The following ELAPOR2 variants were observed in gnomAD, a reference collection of about 807,000 sequenced individuals.
The protein encoded by ELAPOR2 is endosome-lysosome associated apoptosis and autophagy regulator family member 2, also known as endosome/lysosome-associated apoptosis and autophagy regulator family member 2.
In ELAPOR2, 89 loss-of-function variants were observed where a neutral mutation model predicts 120.7. The observed-to-expected ratio is 0.74, with a 90% CI of 0.62 to 0.88. The LOEUF is 0.88. Ranked by LOEUF, ELAPOR2 falls within the 40% of genes least tolerant of loss-of-function variation. The pLI is 0.00. For missense variants in ELAPOR2, 1,134 were observed against 1,251.6 expected (o/e 0.91, Z 1.42); for synonymous variants, 444 against 444.9 (o/e 1.00, Z 0.03).
intron 2 of ELAPOR2, among the ~76,000 whole-genome samples, chr7:86,952,748 A>G (rs1791315982): frequency 6.6e-6 from 1 of 152,228 alleles, no homozygotes. Flanking sequence ...TATCATATAA[A>G]GCATTTAGCA....
At chr7:87,039,666 T>C (rs1794698780) in intron 1 of ELAPOR2, among the ~76,000 whole-genome samples, 1 of 152,174 alleles carries the variant, frequency 6.6e-6, no homozygotes, top group Non-Finnish European at 1.5e-5. Flanking sequence ...TACAAGATCA[T>C]TTCAATTGAT....
intron 1 of ELAPOR2, among the ~76,000 whole-genome samples, chr7:87,047,896 C>T (rs966154630): frequency 6.6e-6 from 1 of 152,122 alleles, no homozygotes; most frequent in East Asian, 1.9e-4. Flanking sequence ...CAACTGTTCA[C>T]AATAGCTAAG....
intron 1 of ELAPOR2, among the ~76,000 whole-genome samples, chr7:87,050,797 G>A (rs1174680624): frequency 2.6e-5 from 4 of 152,142 alleles, no homozygotes; most frequent in African/African-American, 9.7e-5. Context: ...AGAAATTACA[G>A]GAGAAGTGAG....
chr7:86,939,572 C>T (rs140142105), intron 6 of ELAPOR2, among the ~76,000 whole-genome samples: 2 of 152,134 alleles, frequency 1.3e-5, no homozygotes, highest in East Asian at 1.9e-4. Context: ...AGAAATTACC[C>T]GGTTGGCTCA....
Position 86,925,608 on chromosome 7 carries a change from T to C in ELAPOR2, c.1319A>G (p.Tyr440Cys). 2 of 1,612,106 alleles carry C rather than the reference T, an allele frequency of 1.2e-6. No individual in the cohort carries two copies. The highest frequency in any genetic ancestry group is 4.5e-5 in the East Asian group (2 of 44,808). Reference protein sequence around the residue: ...AGTEPALGFEYKWWNVLPGNM... With the variant: ...AGTEPALGFECKWWNVLPGNM... ...GCCAGGAAGGACATTCCACCATTTA[T>C]ATTCAAAGCCAAGTGCAGGCTCCGT... is the stretch of plus-strand genomic sequence containing the variant. Residue 440 changes from tyrosine (Y) to cysteine (C), a missense_variant, in exon 10 of 22, where the codon TAT becomes TGT. Tyr to Cys is a radical substitution (Grantham distance 194, BLOSUM62 -2). This residue lies in a region of ELAPOR2 where 831 missense variants were observed against 867.6 expected (regional missense o/e 0.96). Coordinates refer to ENST00000450689, the MANE Select transcript of ELAPOR2 (RefSeq NM_001142749.3).
At position 86,910,169 on chromosome 7, in the gene ELAPOR2, C is replaced by T. The variant is rs553056727; in HGVS notation, c.2170-168G>A. Among the ~76,000 whole-genome samples the T allele has an allele frequency of 3.1e-4, 47 of 152,176 alleles. 1 individual carries two copies. The East Asian group carries it at 8.5e-3, about 28-fold the overall frequency. ...GCCACCCATCAGTACTTTTTAAAAGCTCTCAAGGAAAGTCCAATATTCAAC... is the reference window on the plus strand; with the variant it reads ...GCCACCCATCAGTACTTTTTAAAAGTTCTCAAGGAAAGTCCAATATTCAAC... On this transcript the variant is annotated intron_variant, in intron 15 of 21. Transcript: ENST00000450689.
In ELAPOR2 at chr7:86,880,427, C is replaced by A. The variant is rs374091537; in HGVS notation, c.*44G>T. On this transcript the variant is annotated 3_prime_UTR_variant, in exon 22 of 22. Transcript: ENST00000450689. ...AAAATATGGTCCTGTAAAACTAGAG[C>A]AGGTTTCTTTGTTCATTAGTCTCAA... The A allele has an allele frequency of 6.6e-6, 9 of 1,372,652 alleles. No homozygotes were observed. The highest frequency in any genetic ancestry group is 9.4e-6 in the Non-Finnish European group (9 of 961,624). The allele number at this position is 1,372,652 out of a possible 1,614,324, so 85.0% of individuals were successfully genotyped here.
intron 1 of ELAPOR2, among the ~76,000 whole-genome samples, chr7:87,043,461 G>A (rs1226343926): frequency 2.0e-5 from 3 of 151,736 alleles, no homozygotes; most frequent in Non-Finnish European, 2.9e-5. Flanking sequence ...TTCAATATAC[G>A]CAAATCAATA....
intron 18 of ELAPOR2, among the ~76,000 whole-genome samples, chr7:86,899,267 G>A (rs988661334): frequency 1.3e-5 from 2 of 152,040 alleles, no homozygotes; most frequent in African/African-American, 2.4e-5. Context: ...GATTGATGCC[G>A]GAAGCTATTT....
At chr7:86,955,908 ACT>A (rs1357870656) in intron 2 of ELAPOR2, among the ~76,000 whole-genome samples, 3 of 151,714 alleles carry the variant, frequency 2.0e-5, no homozygotes, top group Non-Finnish European at 4.4e-5. Context: ...AGAAAAATCC[ACT>A]GTCTTCAAGT....
intron 1 of ELAPOR2, among the ~76,000 whole-genome samples, chr7:87,041,613 A>G (rs1367125014): frequency 6.6e-6 from 1 of 152,148 alleles, no homozygotes; most frequent in Non-Finnish European, 1.5e-5. Context: ...TGAAGGAAGC[A>G]CTAAATATGA....
chr7:87,018,463 G>A (rs533826163), intron 1 of ELAPOR2, among the ~76,000 whole-genome samples: 3 of 152,074 alleles, frequency 2.0e-5, no homozygotes, highest in South Asian at 4.1e-4. Flanking sequence ...TTATAATAAA[G>A]GCAAATGATT....
At chr7:87,031,026 C>G (rs914031160) in intron 1 of ELAPOR2, among the ~76,000 whole-genome samples, 4 of 152,110 alleles carry the variant, frequency 2.6e-5, no homozygotes, top group Non-Finnish European at 4.4e-5. Flanking sequence ...TCGCATGAGA[C>G]TTATTCACTA....
chr7:86,916,156 A>G (rs1399789208), intron 12 of ELAPOR2, among the ~76,000 whole-genome samples: 2 of 152,210 alleles, frequency 1.3e-5, no homozygotes, highest in Non-Finnish European at 2.9e-5. Flanking sequence ...TACAAATATC[A>G]TAAGATCCCT....
chr7:87,026,162 G>T (rs1017660676), intron 1 of ELAPOR2, among the ~76,000 whole-genome samples: 2 of 152,086 alleles, frequency 1.3e-5, no homozygotes, highest in East Asian at 3.8e-4. Flanking sequence ...AAAGCTGGAA[G>T]AGTTGTGATT....
chr7:86,893,445 AT>A (rs932710090), intron 19 of ELAPOR2, among the ~76,000 whole-genome samples: 75 of 147,526 alleles, frequency 5.1e-4, no homozygotes, highest in South Asian at 3.5e-3. Context: ...CTTCTGGGCT[AT>A]TTTTTTTTTT....
intron 1 of ELAPOR2, among the ~76,000 whole-genome samples, chr7:87,017,477 G>A (rs565157552): frequency 1.4e-4 from 22 of 152,226 alleles, no homozygotes; most frequent in South Asian, 4.1e-4. Context: ...TATTAAATGC[G>A]AATGAATGCA....
At chr7:86,935,445 A>T (rs1790521415) in intron 8 of ELAPOR2, among the ~76,000 whole-genome samples, 1 of 152,094 alleles carries the variant, frequency 6.6e-6, no homozygotes, top group Non-Finnish European at 1.5e-5. Context: ...TAAGAACCTC[A>T]TAAAATTCAA....
At chr7:86,974,281 G>T (rs939584060) in intron 1 of ELAPOR2, among the ~76,000 whole-genome samples, 15 of 152,054 alleles carry the variant, frequency 9.9e-5, no homozygotes, top group Non-Finnish European at 1.6e-4. Context: ...AGCACCAAGA[G>T]AAACTACATC....
Sources: gnomAD v4.1 joint callset for allele counts (sites outside exome capture counted in the v4.1 genomes callset) on GRCh38, gnomAD v4.1.1 for gene constraint, gnomAD v4.1.1 regional missense constraint, MANE v1.5 for transcripts, NCBI Gene and HGNC (gene_info 2026-07-23, HGNC 2026-07-21) for gene names.